Variants in APP observed in about 807,000 individuals in gnomAD.
APP encodes amyloid beta precursor protein, also known as amyloid-beta precursor protein.
A neutral mutation model predicts 101.4 loss-of-function variants in APP; 31 were observed. The observed-to-expected ratio is 0.31, with a 90% CI of 0.23 to 0.41. The LOEUF (loss-of-function observed/expected upper bound fraction) is 0.41. APP is among the 10% of genes least tolerant of loss of function. The probability of loss-of-function intolerance (pLI) is 1.00; values close to 1 mark genes in which losing one functional copy is unlikely to be tolerated. For missense variants in APP, 839 were observed against 1,003.7 expected (o/e 0.84, Z 2.22); for synonymous variants, 366 against 364.4 (o/e 1.00, Z -0.05).
chr21:26,013,173 CA>C (rs1422481591), intron 6 of APP, among the ~76,000 whole-genome samples: 2 of 152,032 alleles, frequency 1.3e-5, no homozygotes, highest in Non-Finnish European at 2.9e-5. Context: ...AACAGTTAGC[CA>C]GGCGCGGTTG....
At chr21:26,130,817 CCTTA>C (rs1445347372) in intron 1 of APP, among the ~76,000 whole-genome samples, 3 of 152,110 alleles carry the variant, frequency 2.0e-5, no homozygotes, top group African/African-American at 4.8e-5. Context: ...TTCCTTCCTT[CCTTA>C]CTATCACAGA....
intron 8 of APP, among the ~76,000 whole-genome samples, chr21:25,992,071 C>A (rs1322568478): frequency 6.6e-6 from 1 of 152,174 alleles, no homozygotes; most frequent in African/African-American, 2.4e-5. Context: ...AACTTTGTTT[C>A]ATGAACAAAA....
intron 1 of APP, among the ~76,000 whole-genome samples, chr21:26,161,931 T>C (rs563820974): frequency 1.3e-5 from 2 of 152,136 alleles, no homozygotes; most frequent in East Asian, 1.9e-4. Context: ...TTTTGAAAGA[T>C]AAAAAAATCA....
intron 3 of APP, among the ~76,000 whole-genome samples, chr21:26,071,842 AC>A (rs1224796678): frequency 1.3e-5 from 2 of 152,176 alleles, no homozygotes. Context: ...GCTTCAGGTG[AC>A]CCTTTTAATG....
At chr21:25,928,629 A>G (rs1177113626) in intron 13 of APP, 1 of 152,162 alleles carries the variant, frequency 6.6e-6, no homozygotes. Flanking sequence ...TAATTTATAC[A>G]TATTTGGATG....
intron 5 of APP, among the ~76,000 whole-genome samples, chr21:26,033,337 C>T (rs1005072401): frequency 1.4e-4 from 22 of 152,306 alleles, no homozygotes; most frequent in Admixed American, 3.3e-4. Context: ...TCTTTCCTGC[C>T]GCCTTATGAA....
At chr21:26,030,064 T>C (rs2044753369) in intron 5 of APP, among the ~76,000 whole-genome samples, 1 of 152,198 alleles carries the variant, frequency 6.6e-6, no homozygotes, top group Non-Finnish European at 1.5e-5. Flanking sequence ...AATCTCTCTT[T>C]ACTCTGCTAT....
At chr21:26,079,843 G>A (rs912083459) in intron 3 of APP, among the ~76,000 whole-genome samples, 1 of 152,130 alleles carries the variant, frequency 6.6e-6, no homozygotes, top group Admixed American at 6.5e-5. Flanking sequence ...GCCTATCTAG[G>A]CCGGGAATGG....
intron 6 of APP, among the ~76,000 whole-genome samples, chr21:26,008,808 G>A (rs2043652163): frequency 6.6e-6 from 1 of 152,166 alleles, no homozygotes; most frequent in Non-Finnish European, 1.5e-5. Context: ...TCTCAGGATT[G>A]CCTCATACTT....
intron 7 of APP, 27 bp downstream of exon 7, chr21:25,999,988 G>A (rs200730952): frequency 6.8e-6 from 11 of 1,612,420 alleles, no homozygotes; most frequent in Non-Finnish European, 8.5e-6. Context: ...ACGAAAGGTG[G>A]CCAGGCTCGA....
At chr21:26,060,056 T>C (rs979855140) in intron 3 of APP, among the ~76,000 whole-genome samples, 1 of 152,092 alleles carries the variant, frequency 6.6e-6, no homozygotes, top group South Asian at 2.1e-4. Flanking sequence ...CTCAATAAAT[T>C]ATATTAATAG....
intron 8 of APP, among the ~76,000 whole-genome samples, chr21:25,989,834 T>C (rs189070668): frequency 7.5e-4 from 114 of 152,270 alleles, no homozygotes; most frequent in Admixed American, 1.9e-3. Context: ...AATATAAACT[T>C]GTTAGCGTTC....
chr21:26,096,335 T>C (rs1258358886), intron 2 of APP, among the ~76,000 whole-genome samples: 1 of 152,218 alleles, frequency 6.6e-6, no homozygotes, highest in East Asian at 1.9e-4. Context: ...AGCCTCCCCG[T>C]GGAGCCCCAC....
At chr21:26,036,565 T>A (rs2045120261) in intron 5 of APP, among the ~76,000 whole-genome samples, 1 of 152,202 alleles carries the variant, frequency 6.6e-6, no homozygotes, top group South Asian at 2.1e-4. Flanking sequence ...TACTTGCCTG[T>A]CAACTAATAC....
chr21:25,998,577 C>G (rs1371210145), intron 7 of APP, among the ~76,000 whole-genome samples: 1 of 152,022 alleles, frequency 6.6e-6, no homozygotes, highest in Non-Finnish European at 1.5e-5. Flanking sequence ...TGTTGTTTTG[C>G]TTAATCCTAA....
chr21:26,001,616 A>G (rs969817843), intron 6 of APP, among the ~76,000 whole-genome samples: 1 of 152,212 alleles, frequency 6.6e-6, no homozygotes, highest in Non-Finnish European at 1.5e-5. Flanking sequence ...CTTGCGCCTC[A>G]GCCTCCCAAG....
At chr21:25,982,549 G>A in intron 8 of APP, 72 bp from the exon 9 acceptor site, 13 of 1,454,412 alleles carry the variant, frequency 8.9e-6, no homozygotes, top group Non-Finnish European at 1.2e-5. Context: ...TCGTTTAATA[G>A]AAAGCCGTAT....
At chr21:26,009,046 GA>G (rs1484365148) in intron 6 of APP, among the ~76,000 whole-genome samples, 1 of 152,158 alleles carries the variant, frequency 6.6e-6, no homozygotes, top group Non-Finnish European at 1.5e-5. Context: ...AAGGGCCTTG[GA>G]TAACTCGAAT....
intron 11 of APP, among the ~76,000 whole-genome samples, chr21:25,971,365 A>G (rs560486912): frequency 2.0e-5 from 3 of 152,348 alleles, no homozygotes; most frequent in African/African-American, 7.2e-5. Context: ...TTTCTGCAAG[A>G]CATTAGACAT....
Sources: gnomAD v4.1 joint callset for allele counts (sites outside exome capture counted in the v4.1 genomes callset) on GRCh38, gnomAD v4.1.1 for gene constraint, MANE v1.5 for transcripts, NCBI Gene and HGNC (gene_info 2026-07-23, HGNC 2026-07-21) for gene names.